Variants in ZNF90 observed in about 807,000 individuals in gnomAD.
ZNF90 encodes the protein zinc finger protein 90, also known as zinc finger protein HTF9.
In ZNF90, 11 loss-of-function variants were observed where a neutral mutation model predicts 12.0. That is an observed-to-expected ratio of 0.92 (90% CI 0.58 to 1.52). ZNF90 has a LOEUF of 1.52. ZNF90 is among the 40% of genes most tolerant of loss of function. The pLI is 0.00. For synonymous variants in ZNF90, 232 were observed against 240.1 expected, an observed-to-expected ratio of 0.97 and a Z score of 0.31; for missense variants, 765 against 711.5, an observed-to-expected ratio of 1.08 and a Z score of -0.86.
In ZNF90 at chr19:20,104,983, ACT is replaced by A. The variant is rs1235522728; in HGVS notation, c.131-236_131-235del. 4.7e-4 allele frequency among the ~76,000 whole-genome samples: 71 copies of A among 152,202 alleles called. 1 individual carries two copies. The highest frequency in any genetic ancestry group is 1.5e-3 in the African/African-American group (62 of 41,520). ...CACACCAGCCTGGGTAACAAGAGAAACTCCGTCTGAAAAAACAAAAAACAAAC... is the reference window on the plus strand; with the variant it reads ...CACACCAGCCTGGGTAACAAGAGAAACCGTCTGAAAAAACAAAAAACAAAC... On this transcript the variant is annotated intron_variant, in intron 2 of 3. Transcript: ENST00000418063.
chr19:20,085,268 C>T (rs201420671), intron 1 of ZNF90, among the ~76,000 whole-genome samples: 1 of 135,576 alleles, frequency 7.4e-6, no homozygotes, highest in African/African-American at 2.9e-5. Flanking sequence ...TTGCATTGGT[C>T]TTTTTTTTTT....
chr19:20,098,084 T>G lies in ZNF90; in HGVS notation c.4-6155T>G, dbSNP rs541197294. Among the ~76,000 whole-genome samples the G allele has an allele frequency of 2.0e-5, 3 of 152,306 alleles. No homozygotes were observed. The South Asian group carries it at 6.2e-4, about 32-fold the overall frequency. ...AACTTGACCCAAATAAGCTGTCTAC[T>G]TATATTCACGTTGTGTCAGCTTTTT... is the stretch of plus-strand genomic sequence containing the variant. On this transcript the variant is annotated intron_variant, in intron 1 of 3. Transcript: ENST00000418063.
rs192796432 is a variant in ZNF90, at chr19:20,079,860, A to G, written c.3+1725A>G. The G allele has an allele frequency of 2.6e-3, 1,052 of 398,300 alleles. 5 individuals are homozygous for G. The highest frequency in any genetic ancestry group is 4.0e-3 in the Non-Finnish European group (818 of 201,996). The allele number at this position is 398,300 out of a possible 1,614,324, so 24.7% of individuals were successfully genotyped here. ...GTCCCGGCCCTGAAGCGATGTAAGCAAGAAGCTGCCCTGCTGGAACTGCTC... is the reference window on the plus strand; with the variant it reads ...GTCCCGGCCCTGAAGCGATGTAAGCGAGAAGCTGCCCTGCTGGAACTGCTC... On this transcript the variant is annotated intron_variant, in intron 1 of 3. Coordinates refer to ENST00000418063, the MANE Select transcript of ZNF90 (RefSeq NM_007138.2).
chr19:20,100,034 G>C (rs2088977281), intron 1 of ZNF90, among the ~76,000 whole-genome samples: 1 of 152,120 alleles, frequency 6.6e-6, no homozygotes, highest in Admixed American at 6.5e-5. Context: ...GAAGCCAAAA[G>C]AGCTGCAAGG....
chr19:20,119,480 T>C lies in ZNF90; in HGVS notation c.*120T>C, dbSNP rs2089177575. ...TACTCTTACTAAATATGAGAATTTA[T>C]ATGAAACATAACTCCTACAAAAATA... is the stretch of plus-strand genomic sequence containing the variant. On this transcript the variant is annotated 3_prime_UTR_variant, in exon 4 of 4. Transcript: ENST00000418063. 1 of 837,422 alleles carries C rather than the reference T, an allele frequency of 1.2e-6. No homozygotes were observed. The highest frequency in any genetic ancestry group is 2.7e-5 in the East Asian group (1 of 37,426). The allele number at this position is 837,422 out of a possible 1,614,324, so 51.9% of individuals were successfully genotyped here.
At chr19:20,117,083 C>T (rs1257553886) in intron 3 of ZNF90, among the ~76,000 whole-genome samples, 2 of 144,898 alleles carry the variant, frequency 1.4e-5, no homozygotes, top group African/African-American at 5.3e-5. Context: ...CATTCTGTTC[C>T]CTATGCTGAA....
chr19:20,088,455 T>C (rs1900984924), intron 1 of ZNF90, among the ~76,000 whole-genome samples: 1 of 151,542 alleles, frequency 6.6e-6, no homozygotes, highest in Non-Finnish European at 1.5e-5. Context: ...AGGAGAAAAA[T>C]GGGTATTAAA....
Position 20,093,348 on chromosome 19 carries a change from G to T in ZNF90, c.4-10891G>T, listed in dbSNP as rs528129130. On this transcript the variant is annotated intron_variant, in intron 1 of 3. Transcript: ENST00000418063. The stretch of plus-strand genomic sequence containing the variant: ...ACAGGCTTTAATCATTTTAAAGCAT[G>T]CTGTGGGATGGAATATTGGTGTTGA... Among the ~76,000 whole-genome samples the T allele has an allele frequency of 4.7e-4, 71 of 152,328 alleles. 1 individual carries two copies. The highest frequency in any genetic ancestry group is 1.6e-3 in the African/African-American group (68 of 41,566).
intron 1 of ZNF90, among the ~76,000 whole-genome samples, chr19:20,083,683 G>C (rs539957454): frequency 6.6e-6 from 1 of 152,084 alleles, no homozygotes. Flanking sequence ...TATTGCAAAG[G>C]ACATAATCAT....
At chr19:20,089,069 TGTAAA>T (rs1207903628) in intron 1 of ZNF90, among the ~76,000 whole-genome samples, 3 of 151,980 alleles carry the variant, frequency 2.0e-5, no homozygotes, top group Non-Finnish European at 4.4e-5. Context: ...AAACTGGAGA[TGTAAA>T]GTAAAAAGAT....
chr19:20,095,179 G>A (rs968176712), intron 1 of ZNF90, among the ~76,000 whole-genome samples: 3 of 152,078 alleles, frequency 2.0e-5, no homozygotes, highest in African/African-American at 4.8e-5. Context: ...GGGAGGAATC[G>A]CATTGGGAAC....
At chr19:20,082,920 G>A (rs781977899) in intron 1 of ZNF90, among the ~76,000 whole-genome samples, 1 of 152,032 alleles carries the variant, frequency 6.6e-6, no homozygotes, top group Non-Finnish European at 1.5e-5. Context: ...CCCCCTTAAC[G>A]CTGGAGGTGA....
chr19:20,119,657 C>A lies in ZNF90; in HGVS notation c.*297C>A, dbSNP rs1293372900. ...TTTTTTAAGAAGGAGTTTCATGCTT[C>A]TCACCCAGCCTGGAGTGCAATGGCA... On this transcript the variant is annotated 3_prime_UTR_variant, in exon 4 of 4. Transcript: ENST00000418063. 8.0e-6 allele frequency: 2 copies of A among 249,034 alleles called. No individual in the cohort carries two copies. Among genetic ancestry groups the A allele is most frequent in the Admixed American group, 5.1e-5 (1 of 19,668 alleles). 15.4% of individuals were successfully genotyped at this position (249,034 alleles called of 1,614,324 possible). A position where few individuals can be genotyped will look rare whatever the true frequency, so the allele number is the denominator to read the frequency against.
intron 1 of ZNF90, among the ~76,000 whole-genome samples, chr19:20,101,426 G>A (rs2088989012): frequency 1.3e-5 from 2 of 152,336 alleles, no homozygotes; most frequent in Non-Finnish European, 2.9e-5. Context: ...GGAGTGGCCT[G>A]CCACCATCTT....
chr19:20,120,886 TCAATTGATGCTG>T lies in ZNF90; in HGVS notation c.*1529_*1540del, dbSNP rs2089189194. 1 of 152,218 alleles carries T rather than the reference TCAATTGATGCTG, an allele frequency of 6.6e-6. No individual in the cohort carries two copies. Among genetic ancestry groups the T allele is most frequent in the African/African-American group, 2.4e-5 (1 of 41,470 alleles). The allele number at this position is 152,218 out of a possible 1,614,324, so 9.4% of individuals were successfully genotyped here. A position where few individuals can be genotyped will look rare whatever the true frequency, so the allele number is the denominator to read the frequency against. ...TCTATTCACATGTGAAAGCATGTGA[TCAATTGATGCTG>T]CATCAGAGATATTACAGATTCTTTA... On this transcript the variant is annotated 3_prime_UTR_variant, in exon 4 of 4. Coordinates refer to ENST00000418063, the MANE Select transcript of ZNF90 (RefSeq NM_007138.2).
chr19:20,118,627 C>G lies in ZNF90; in HGVS notation c.1073C>G (p.Thr358Arg), dbSNP rs1555706087. The change falls in exon 4 of 4, where the codon ACA (threonine) becomes AGA (arginine). Residue 358 changes from threonine (T) to arginine (R), a missense_variant. By Grantham distance (71) the Thr-to-Arg change is moderately conservative. Transcript: ENST00000418063. Reference protein sequence around the residue: ...KAFRRSLVLRTHKRIHTGEKP... With the variant: ...KAFRRSLVLRRHKRIHTGEKP... ...TTCAGGCGCTCCTTAGTCCTTCGTA[C>G]ACATAAGAGAATTCATACTGGAGAG... 2 of 1,610,224 alleles carry G rather than the reference C, an allele frequency of 1.2e-6. No individual in the cohort carries two copies.
At chr19:20,100,230 G>C (rs1263005802) in intron 1 of ZNF90, among the ~76,000 whole-genome samples, 3 of 152,124 alleles carry the variant, frequency 2.0e-5, no homozygotes, top group African/African-American at 7.2e-5. Context: ...CTAACCAATG[G>C]AAATTACTTA....
chr19:20,113,358 TTTCA>T lies in ZNF90; in HGVS notation c.227-4417_227-4414del, dbSNP rs1385633309. On this transcript the variant is annotated intron_variant, in intron 3 of 3. Coordinates refer to ENST00000418063, the MANE Select transcript of ZNF90 (RefSeq NM_007138.2). Reference sequence around the variant, plus strand: ...TTCGTGCACTACAACGCCCGCCTAATTTCATTCATACTTTAGTAGAGACAGGGTT... The same window carrying T: ...TTCGTGCACTACAACGCCCGCCTAATTTCATACTTTAGTAGAGACAGGGTT... Among the ~76,000 whole-genome samples the T allele has an allele frequency of 1.1e-3, 165 of 152,152 alleles. 1 individual carries two copies. The highest frequency in any genetic ancestry group is 3.7e-3 in the African/African-American group (155 of 41,530).
At position 20,105,275 on chromosome 19, in the gene ZNF90, C is replaced by A. The variant is rs372078398; in HGVS notation, c.185C>A (p.Pro62His). The A allele has an allele frequency of 6.2e-7, 1 of 1,607,930 alleles. No homozygotes were observed. Among genetic ancestry groups the A allele is most frequent in the Admixed American group, 1.7e-5 (1 of 59,502 alleles). Residue 62 changes from proline (P) to histidine (H), a missense_variant, in exon 3 of 4, where the codon CCC (proline) becomes CAC (histidine). Transcript: ENST00000418063. ...ACCTGTCTGGAGCAAGGAAAAAAAC[C>A]CTTCACTGTGAAGAGACATGAGATG... Reference protein sequence around the residue: ...LITCLEQGKKPFTVKRHEMIA... With the variant: ...LITCLEQGKKHFTVKRHEMIA...
Sources: allele counts gnomAD v4.1 joint callset (sites outside exome capture counted in the v4.1 genomes callset), GRCh38; gene constraint gnomAD v4.1.1; transcripts MANE v1.5; gene names NCBI Gene and HGNC (gene_info 2026-07-23, HGNC 2026-07-21).